FAM76B: variants seen among roughly 807,000 people sequenced by gnomAD.
FAM76B encodes protein FAM76B.
In FAM76B, 16 loss-of-function variants were observed where a neutral mutation model predicts 51.8. That is an observed-to-expected ratio of 0.31 (90% CI 0.21 to 0.47). The LOEUF is 0.47. Among genes scored for constraint, FAM76B ranks in the 20% least tolerant of loss-of-function variants. The pLI is 1.00. For missense variants in FAM76B, 342 were observed against 392.6 expected (o/e 0.87, Z 1.09); for synonymous variants, 166 against 129.5 (o/e 1.28, Z -1.91).
chr11:95,776,053 A>G (rs937799331), intron 8 of FAM76B, 30 bp from the exon 9 acceptor site: 4 of 1,304,712 alleles, frequency 3.1e-6, no homozygotes, highest in East Asian at 4.9e-5. Flanking sequence ...ATATATGTAT[A>G]TATTTGCACA....
At position 95,771,170 on chromosome 11, in the gene FAM76B, T is replaced by C. The variant is rs1039641998; in HGVS notation, c.*391A>G. ...GTTTTTGTATTTCTAAATTGAAAACTGTTTGTCTGAAATTAGCATAGTGTA... is the reference window on the plus strand; with the variant it reads ...GTTTTTGTATTTCTAAATTGAAAACCGTTTGTCTGAAATTAGCATAGTGTA... On this transcript the variant is annotated 3_prime_UTR_variant, in exon 10 of 10. Transcript: ENST00000358780. The C allele has an allele frequency of 6.6e-6, 1 of 151,928 alleles. No individual in the cohort carries two copies. The highest frequency in any genetic ancestry group is 1.5e-5 in the Non-Finnish European group (1 of 67,586). The allele number at this position is 151,928 out of a possible 1,614,324, so 9.4% of individuals were successfully genotyped here. A position where few individuals can be genotyped will look rare whatever the true frequency, so the allele number is the denominator to read the frequency against.
At chr11:95,783,492 T>C (rs982605112) in intron 4 of FAM76B, among the ~76,000 whole-genome samples, 1 of 152,182 alleles carries the variant, frequency 6.6e-6, no homozygotes, top group Non-Finnish European at 1.5e-5. Context: ...ATGACATCAG[T>C]TTTGAAGCAT....
rs545056821 is a variant in FAM76B, at chr11:95,773,840, A to G, written c.930+2082T>C. ...AATATTTGGGGTATTTTGGGGTGAC[A>G]TTTTGAACAATTTTTTCATGTGATG... is the stretch of plus-strand genomic sequence containing the variant. On this transcript the variant is annotated intron_variant, in intron 9 of 9. Coordinates refer to ENST00000358780, the MANE Select transcript of FAM76B (RefSeq NM_144664.5). Among the ~76,000 whole-genome samples, 6 of 151,462 alleles carry G rather than the reference A, an allele frequency of 4.0e-5. No individual in the cohort carries two copies. In the Admixed American group the frequency reaches 4.0e-4, roughly 10 times the overall value.
In FAM76B at chr11:95,789,771, G is replaced by C; in HGVS notation, c.-293C>G. 2.7e-6 allele frequency: 1 copy of C among 363,790 alleles called. No homozygotes were observed. Among genetic ancestry groups the C allele is most frequent in the Non-Finnish European group, 4.9e-6 (1 of 203,044 alleles). The allele number at this position is 363,790 out of a possible 1,614,324, so 22.5% of individuals were successfully genotyped here. The stretch of plus-strand genomic sequence containing the variant: ...GTAGGGGGTTGCTGTTTAGCTGTGC[G>C]GCCGTGGATCCGCTTCCTTCTCGGC... On this transcript the variant is annotated 5_prime_UTR_variant, in exon 1 of 10. Coordinates refer to ENST00000358780, the MANE Select transcript of FAM76B (RefSeq NM_144664.5).
At chr11:95,772,139 G>A (rs2120174402) in intron 9 of FAM76B, among the ~76,000 whole-genome samples, 1 of 150,972 alleles carries the variant, frequency 6.6e-6, no homozygotes, top group East Asian at 1.9e-4. Flanking sequence ...GGTCATTTTT[G>A]CAAAAACAAC....
chr11:95,783,319 A>G lies in FAM76B; in HGVS notation c.364-55T>C, dbSNP rs2120265891. 4 of 1,530,328 alleles carry G rather than the reference A, an allele frequency of 2.6e-6. No homozygotes were observed. In the East Asian group the frequency reaches 9.0e-5, roughly 35 times the overall value. 94.8% of individuals were successfully genotyped at this position (1,530,328 alleles called of 1,614,324 possible). A position where few individuals can be genotyped will look rare whatever the true frequency, so the allele number is the denominator to read the frequency against. On this transcript the variant is annotated intron_variant, in intron 4 of 9. Transcript: ENST00000358780. ...ACCCATATAAACTGGCTGTAAACGA[A>G]ACCAGGTAAGATAAACCACTCAACT...
In FAM76B at chr11:95,789,515, C is replaced by G. The variant is rs1860866450; in HGVS notation, c.-37G>C. ...GTCTCCTCCTCCGCCGCCGCCCGCT[C>G]CGAGGCGGGGCCCTACGGAGAACCC... On this transcript the variant is annotated 5_prime_UTR_variant, in exon 1 of 10. Transcript: ENST00000358780. 1 of 1,560,052 alleles carries G rather than the reference C, an allele frequency of 6.4e-7. No homozygotes were observed. The highest frequency in any genetic ancestry group is 1.4e-5 in the African/African-American group (1 of 72,918).
rs747614674 is a variant in FAM76B, at chr11:95,771,655, G to A, written c.931-5C>T. On this transcript the variant is annotated splice_polypyrimidine_tract_variant and splice_region_variant and intron_variant, in intron 9 of 9. Coordinates refer to ENST00000358780, the MANE Select transcript of FAM76B (RefSeq NM_144664.5). ...GAGTAGTTCTCTGTTTTTGGCCTGT[G>A]GGAGACAAAAACATTCAAGATTAAA... 9 of 1,599,674 alleles carry A rather than the reference G, an allele frequency of 5.6e-6. No homozygotes were observed. The South Asian group carries it at 7.8e-5, about 14-fold the overall frequency.
Position 95,789,650 on chromosome 11 carries a change from T to G in FAM76B, c.-172A>C. ...CAGGGCCCCGCGGACGACGCCACCG[T>G]CTCCCTCCGCCTCCACTTCCGCCCC... On this transcript the variant is annotated 5_prime_UTR_variant, in exon 1 of 10. Transcript: ENST00000358780. The G allele has an allele frequency of 1.9e-6, 1 of 531,502 alleles. No individual in the cohort carries two copies. The highest frequency in any genetic ancestry group is 3.2e-6 in the Non-Finnish European group (1 of 308,744). The allele number at this position is 531,502 out of a possible 1,614,324, so 32.9% of individuals were successfully genotyped here. A position where few individuals can be genotyped will look rare whatever the true frequency, so the allele number is the denominator to read the frequency against.
chr11:95,785,238 G>T (rs1174622438), intron 4 of FAM76B, among the ~76,000 whole-genome samples: 4 of 152,142 alleles, frequency 2.6e-5, no homozygotes, highest in Admixed American at 6.5e-5. Flanking sequence ...GTATGTACAG[G>T]AGAAAACACA....
At chr11:95,783,013 G>T (rs1049522502) in intron 5 of FAM76B, 52 bp downstream of exon 5, 1 of 1,596,986 alleles carries the variant, frequency 6.3e-7, no homozygotes, top group Non-Finnish European at 8.5e-7. Context: ...ATCAATAAAT[G>T]GCATTAAAAT....
intron 8 of FAM76B, among the ~76,000 whole-genome samples, chr11:95,777,255 G>A (rs1860051410): frequency 1.3e-5 from 2 of 151,322 alleles, no homozygotes; most frequent in Admixed American, 1.3e-4. Flanking sequence ...CAAATGTATA[G>A]TTATTTTAGG....
At chr11:95,780,925 T>C (rs1056782212) in intron 5 of FAM76B, among the ~76,000 whole-genome samples, 7 of 152,030 alleles carry the variant, frequency 4.6e-5, no homozygotes, top group African/African-American at 9.7e-5. Flanking sequence ...GGTTCAGCTG[T>C]AGAAGTTTTT....
At position 95,770,936 on chromosome 11, in the gene FAM76B, C is replaced by T. The variant is rs1034415743; in HGVS notation, c.*625G>A. 2 of 151,576 alleles carry T rather than the reference C, an allele frequency of 1.3e-5. No individual in the cohort carries two copies. Among genetic ancestry groups the T allele is most frequent in the Non-Finnish European group, 3.0e-5 (2 of 67,378 alleles). 9.4% of individuals were successfully genotyped at this position (151,576 alleles called of 1,614,324 possible). ...TTTACAAAACAGAAACACATTTTAC[C>T]TTAGATACTGTACAATAAACATTAA... On this transcript the variant is annotated 3_prime_UTR_variant, in exon 10 of 10. Transcript: ENST00000358780.
intron 9 of FAM76B, among the ~76,000 whole-genome samples, chr11:95,772,970 G>A (rs2120179866): frequency 6.6e-6 from 1 of 150,912 alleles, no homozygotes; most frequent in Admixed American, 6.6e-5. Flanking sequence ...AACTAAGGTG[G>A]TAACGAAAAA....
chr11:95,775,549 G>A (rs1248278017), intron 9 of FAM76B, among the ~76,000 whole-genome samples: 1 of 151,408 alleles, frequency 6.6e-6, no homozygotes, highest in Admixed American at 6.6e-5. Context: ...TATCTGGAAG[G>A]AAATATTAAT....
At chr11:95,772,592 A>G (rs1241369557) in intron 9 of FAM76B, among the ~76,000 whole-genome samples, 1 of 151,212 alleles carries the variant, frequency 6.6e-6, no homozygotes, top group Middle Eastern at 3.2e-3. Context: ...TAAAATTAAC[A>G]CATTTTAAAA....
At chr11:95,778,294 CTGA>C (rs1421305445) in intron 8 of FAM76B, among the ~76,000 whole-genome samples, 1 of 151,404 alleles carries the variant, frequency 6.6e-6, no homozygotes, top group African/African-American at 2.4e-5. Context: ...CTTCATTTAA[CTGA>C]TGAAGTCCCA....
In FAM76B at chr11:95,770,535, C is replaced by A. The variant is rs769165056; in HGVS notation, c.*1026G>T. On this transcript the variant is annotated 3_prime_UTR_variant, in exon 10 of 10. Coordinates refer to ENST00000358780, the MANE Select transcript of FAM76B (RefSeq NM_144664.5). ...TATAAAGCAAAACATGTAACTCACA[C>A]AATACTAATATGAAGCCACATGACA... 60 of 151,510 alleles carry A rather than the reference C, an allele frequency of 4.0e-4. No individual in the cohort carries two copies. Among genetic ancestry groups the A allele is most frequent in the Non-Finnish European group, 8.6e-4 (58 of 67,402 alleles). 9.4% of individuals were successfully genotyped at this position (151,510 alleles called of 1,614,324 possible).
Sources: gnomAD v4.1 joint callset for allele counts (sites outside exome capture counted in the v4.1 genomes callset) on GRCh38, gnomAD v4.1.1 for gene constraint, MANE v1.5 for transcripts, NCBI Gene and HGNC (gene_info 2026-07-23, HGNC 2026-07-21) for gene names.